STAG1: variants seen among roughly 807,000 people sequenced by gnomAD.
STAG1 encodes the protein STAG1 cohesin complex component, also known as cohesin subunit SA-1.
A neutral mutation model predicts 170.9 loss-of-function variants in STAG1; 26 were observed. The observed-to-expected ratio is 0.15, with a 90% CI of 0.11 to 0.21. STAG1 has a LOEUF of 0.21. Among genes scored for constraint, STAG1 ranks in the 10% least tolerant of loss-of-function variants. The probability of loss-of-function intolerance (pLI) is 1.00; values close to 1 mark genes in which losing one functional copy is unlikely to be tolerated. For missense variants in STAG1, 964 were observed against 1,509.5 expected (o/e 0.64, Z 5.99); for synonymous variants, 514 against 497.7 (o/e 1.03, Z -0.44).
chr3:136,704,921 G>A (rs1559961965), intron 1 of STAG1, among the ~76,000 whole-genome samples: 1 of 150,956 alleles, frequency 6.6e-6, no homozygotes, highest in East Asian at 1.9e-4. Flanking sequence ...AAACAATGGA[G>A]CCCCGAAATT....
intron 1 of STAG1, among the ~76,000 whole-genome samples, chr3:136,744,263 G>C (rs1418961999): frequency 6.6e-6 from 1 of 152,202 alleles, no homozygotes; most frequent in Non-Finnish European, 1.5e-5. Context: ...GGAAGCAGAG[G>C]ATGCGGTAAG....
intron 4 of STAG1, among the ~76,000 whole-genome samples, chr3:136,595,556 A>G (rs1938383072): frequency 6.6e-6 from 1 of 151,940 alleles, no homozygotes; most frequent in Non-Finnish European, 1.5e-5. Context: ...GGGCGCCTGC[A>G]GTCCCAGCTG....
At chr3:136,438,237 TTTC>T (rs1340812137) in intron 15 of STAG1, among the ~76,000 whole-genome samples, 4 of 112,266 alleles carry the variant, frequency 3.6e-5, no homozygotes, top group Non-Finnish European at 6.2e-5. Flanking sequence ...TTTAGTTTCT[TTTC>T]TTTTTTTTTT....
At chr3:136,598,675 C>T (rs1325327799) in intron 4 of STAG1, among the ~76,000 whole-genome samples, 3 of 152,166 alleles carry the variant, frequency 2.0e-5, no homozygotes, top group Admixed American at 1.3e-4. Flanking sequence ...ATCTGCCCAC[C>T]TCGGCCTCCC....
At chr3:136,619,672 G>A (rs1195220970) in intron 3 of STAG1, among the ~76,000 whole-genome samples, 1 of 144,580 alleles carries the variant, frequency 6.9e-6, no homozygotes, top group African/African-American at 2.6e-5. Context: ...TGGGAGAATT[G>A]CTTGAACCTG....
At chr3:136,450,552 T>C (rs1047077965) in intron 14 of STAG1, among the ~76,000 whole-genome samples, 3 of 152,234 alleles carry the variant, frequency 2.0e-5, no homozygotes, top group Admixed American at 6.5e-5. Flanking sequence ...AATTTTCATA[T>C]AGGCTACCTG....
intron 9 of STAG1, among the ~76,000 whole-genome samples, chr3:136,498,116 C>T (rs1174585491): frequency 1.2e-4 from 18 of 147,470 alleles, no homozygotes; most frequent in African/African-American, 4.5e-4. Context: ...CACTTGAACC[C>T]GGGAGGCGGA....
chr3:136,397,405 G>T (rs1252018601), intron 22 of STAG1, among the ~76,000 whole-genome samples: 1 of 151,812 alleles, frequency 6.6e-6, no homozygotes, highest in Non-Finnish European at 1.5e-5. Context: ...GGTGGTTGGG[G>T]ATTACCACCA....
intron 14 of STAG1, among the ~76,000 whole-genome samples, chr3:136,449,522 T>C (rs2088876664): frequency 6.7e-6 from 1 of 149,188 alleles, no homozygotes; most frequent in Non-Finnish European, 1.5e-5. Flanking sequence ...ATCACGCCAC[T>C]GCACTCCAGC....
chr3:136,618,968 T>C (rs908048230), intron 3 of STAG1, among the ~76,000 whole-genome samples: 3 of 152,086 alleles, frequency 2.0e-5, no homozygotes, highest in African/African-American at 4.8e-5. Context: ...TCAAAACTAA[T>C]AGATACCAAA....
At chr3:136,503,661 G>C (rs1256320092) in intron 7 of STAG1, among the ~76,000 whole-genome samples, 1 of 152,076 alleles carries the variant, frequency 6.6e-6, no homozygotes, top group Non-Finnish European at 1.5e-5. Flanking sequence ...CAGTGCTTTA[G>C]AAGAACTGAT....
At chr3:136,622,015 G>T (rs1939877752) in intron 3 of STAG1, among the ~76,000 whole-genome samples, 1 of 146,786 alleles carries the variant, frequency 6.8e-6, no homozygotes, top group Non-Finnish European at 1.5e-5. Flanking sequence ...AAAAAAAAGA[G>T]GGCTGGGTGC....
chr3:136,746,551 T>C (rs1229654188), intron 1 of STAG1, among the ~76,000 whole-genome samples: 3 of 152,236 alleles, frequency 2.0e-5, no homozygotes, highest in Non-Finnish European at 4.4e-5. Flanking sequence ...TGCCTCTTCA[T>C]GAAAATATTT....
chr3:136,590,359 G>A (rs1938096804), intron 4 of STAG1, among the ~76,000 whole-genome samples: 1 of 151,670 alleles, frequency 6.6e-6, no homozygotes, highest in South Asian at 2.1e-4. Context: ...CAGGCGTAGT[G>A]GTGTGCGCCT....
chr3:136,723,866 G>T (rs1409134549), intron 1 of STAG1, among the ~76,000 whole-genome samples: 2 of 147,882 alleles, frequency 1.4e-5, no homozygotes, highest in Non-Finnish European at 3.0e-5. Context: ...CAGCCGCCCC[G>T]TCCGGGAGGG....
intron 3 of STAG1, among the ~76,000 whole-genome samples, chr3:136,620,881 C>T (rs1195393877): frequency 6.6e-6 from 1 of 152,070 alleles, no homozygotes; most frequent in Non-Finnish European, 1.5e-5. Context: ...CAAGTATTTC[C>T]TACCACAAAA....
rs551318507 is a variant in STAG1, at chr3:136,646,013, C to T, written c.-83-15032G>A. On this transcript the variant is annotated intron_variant, in intron 1 of 33. Transcript: ENST00000383202. Reference sequence around the variant, plus strand: ...ACTTCATGTGCTACACTCCACAGCCCGACACTTTAACCAATATGACCTAAT... The same window carrying T: ...ACTTCATGTGCTACACTCCACAGCCTGACACTTTAACCAATATGACCTAAT... Among the ~76,000 whole-genome samples, 12 of 152,242 alleles carry T rather than the reference C, an allele frequency of 7.9e-5. No individual in the cohort carries two copies. In the South Asian group the frequency reaches 1.2e-3, roughly 16 times the overall value.
intron 4 of STAG1, among the ~76,000 whole-genome samples, chr3:136,603,568 C>T (rs1345389899): frequency 2.0e-5 from 3 of 152,030 alleles, no homozygotes; most frequent in African/African-American, 7.2e-5. Flanking sequence ...TATTTATGGA[C>T]TAAATGAGAA....
At chr3:136,371,677 A>G (rs983076830) in intron 23 of STAG1, among the ~76,000 whole-genome samples, 2 of 151,968 alleles carry the variant, frequency 1.3e-5, no homozygotes, top group African/African-American at 2.4e-5. Context: ...GATATGCGGC[A>G]TTATTTCTGA....
Sources: gnomAD v4.1 joint callset for allele counts (sites outside exome capture counted in the v4.1 genomes callset) on GRCh38, gnomAD v4.1.1 for gene constraint, MANE v1.5 for transcripts, NCBI Gene and HGNC (gene_info 2026-07-23, HGNC 2026-07-21) for gene names.